The following DNAH9 variants were observed in gnomAD, a reference collection of about 807,000 sequenced individuals.
DNAH9 encodes the protein DNAH9 variant protein.
DNAH9 carries 345 observed loss-of-function variants against 471.6 expected under a neutral mutation model. That is an observed-to-expected ratio of 0.73 (90% CI 0.67 to 0.80). DNAH9 has a LOEUF of 0.80. DNAH9 is among the 30% of genes least tolerant of loss of function. The pLI is 0.00. For missense variants in DNAH9, 5,407 were observed against 5,609.2 expected (o/e 0.96, Z 1.15); for synonymous variants, 2,093 against 2,123.6 (o/e 0.99, Z 0.40).
chr17:11,768,319 C>A, intron 36 of DNAH9, 134 bp from the exon 37 acceptor site: 1 of 891,222 alleles, frequency 1.1e-6, no homozygotes, highest in Non-Finnish European at 1.8e-6. Flanking sequence ...CCTGGAGGAG[C>A]TGGTCTAGCC....
At chr17:11,941,528 C>G (rs1173870461) in intron 66 of DNAH9, among the ~76,000 whole-genome samples, 1 of 152,134 alleles carries the variant, frequency 6.6e-6, no homozygotes, top group Non-Finnish European at 1.5e-5. Context: ...GAGAGAGACC[C>G]TACTTGTCCT....
At chr17:11,649,515 A>G (rs1272800461) in intron 12 of DNAH9, among the ~76,000 whole-genome samples, 1 of 152,150 alleles carries the variant, frequency 6.6e-6, no homozygotes, top group East Asian at 1.9e-4. Context: ...CCTAGTTTTG[A>G]TTGTATGCAT....
At chr17:11,711,055 C>T (rs763916219) in intron 26 of DNAH9, among the ~76,000 whole-genome samples, 1 of 152,158 alleles carries the variant, frequency 6.6e-6, no homozygotes, top group Non-Finnish European at 1.5e-5. Flanking sequence ...ATGCCTATGC[C>T]TTTATAACTT....
At position 11,742,309 on chromosome 17, in the gene DNAH9, A is replaced by G. The variant is rs768318273; in HGVS notation, c.6107A>G (p.Lys2036Arg). 17 of 1,614,096 alleles carry G rather than the reference A, an allele frequency of 1.1e-5. No homozygotes were observed. In the South Asian group the frequency reaches 1.4e-4, roughly 14 times the overall value. Reference protein sequence around the residue: ...LYQLCKELLSKQDHYDWGLRA... With the variant: ...LYQLCKELLSRQDHYDWGLRA... ...CAGTTGTGCAAAGAGCTTCTCTCCA[A>G]ACAGGTAGGATCTCTAGGGAGGCTG... is the stretch of plus-strand genomic sequence containing the variant. The change falls in exon 30 of 69, where the codon AAA becomes AGA. Residue 2036 changes from lysine (K) to arginine (R), a missense_variant. Lys to Arg is a conservative substitution (Grantham distance 26). Transcript: ENST00000262442.
intron 45 of DNAH9, among the ~76,000 whole-genome samples, chr17:11,812,311 G>C (rs1003255795): frequency 1.9e-4 from 29 of 148,954 alleles, no homozygotes; most frequent in Non-Finnish European, 4.3e-4. Context: ...CCATTCCCTG[G>C]CTCTGATTAA....
chr17:11,734,958 C>T (rs2075321945), intron 28 of DNAH9, among the ~76,000 whole-genome samples: 1 of 152,120 alleles, frequency 6.6e-6, no homozygotes, highest in African/African-American at 2.4e-5. Flanking sequence ...CAAATTTCAG[C>T]GTGCATCAGA....
chr17:11,786,082 A>C (rs2150900904), intron 41 of DNAH9, among the ~76,000 whole-genome samples: 1 of 69,950 alleles, frequency 1.4e-5, no homozygotes, highest in Middle Eastern at 5.1e-3. Flanking sequence ...GGATTTTTCA[A>C]ATGAAAAAAA....
intron 24 of DNAH9, among the ~76,000 whole-genome samples, chr17:11,702,919 C>T (rs1396507032): frequency 2.6e-5 from 4 of 151,804 alleles, no homozygotes; most frequent in East Asian, 3.9e-4. Context: ...GGTGAAACCC[C>T]GTCTCTACTA....
At chr17:11,807,942 C>T in intron 44 of DNAH9, 48 bp downstream of exon 44, 1 of 1,555,280 alleles carries the variant, frequency 6.4e-7, no homozygotes, top group South Asian at 1.2e-5. Flanking sequence ...TCCCTCCAAC[C>T]AGCCACAGTT....
At chr17:11,610,369 T>C (rs754661528) in intron 2 of DNAH9, 27 bp from the exon 3 acceptor site, 67 of 1,600,694 alleles carry the variant, frequency 4.2e-5, no homozygotes, top group Non-Finnish European at 5.6e-5. Context: ...TTTGTTGTTA[T>C]CATTGTTGTT....
At chr17:11,630,901 A>T (rs75683838) in intron 7 of DNAH9, among the ~76,000 whole-genome samples, 2,251 of 152,262 alleles carry the variant, frequency 0.015, 55 homozygotes, top group African/African-American at 0.051. Flanking sequence ...TGTATATCTT[A>T]TATGTATACA....
At chr17:11,778,190 G>A (rs964976402) in intron 38 of DNAH9, among the ~76,000 whole-genome samples, 7 of 151,812 alleles carry the variant, frequency 4.6e-5, no homozygotes, top group East Asian at 3.9e-4. Context: ...ATGGGTCAGC[G>A]AGTGACTCAT....
intron 17 of DNAH9, among the ~76,000 whole-genome samples, chr17:11,674,206 T>A (rs1597463304): frequency 6.6e-6 from 1 of 152,326 alleles, no homozygotes; most frequent in African/African-American, 2.4e-5. Flanking sequence ...AACTCTTATA[T>A]GTGATCATGG....
At chr17:11,964,719 T>C (rs1976543786) in intron 68 of DNAH9, among the ~76,000 whole-genome samples, 1 of 152,152 alleles carries the variant, frequency 6.6e-6, no homozygotes, top group Non-Finnish European at 1.5e-5. Context: ...AACTTGTCTA[T>C]TCCCATCTCA....
chr17:11,637,152 A>C (rs140721741), intron 9 of DNAH9, among the ~76,000 whole-genome samples: 1 of 152,192 alleles, frequency 6.6e-6, no homozygotes, highest in African/African-American at 2.4e-5. Flanking sequence ...AAAGTTTCTT[A>C]TGCCTTCCAA....
intron 26 of DNAH9, among the ~76,000 whole-genome samples, chr17:11,708,247 G>T (rs1316715627): frequency 6.6e-6 from 1 of 152,130 alleles, no homozygotes; most frequent in African/African-American, 2.4e-5. Context: ...TCAAATGAAT[G>T]AATGACATTT....
Position 11,623,229 on chromosome 17 carries a change from C to T in DNAH9, c.1350+3448C>T, listed in dbSNP as rs1458842512. Among the ~76,000 whole-genome samples the T allele has an allele frequency of 6.6e-6, 1 of 152,096 alleles. No individual in the cohort carries two copies. The highest frequency in any genetic ancestry group is 1.5e-5 in the Non-Finnish European group (1 of 68,010). On this transcript the variant is annotated intron_variant, in intron 6 of 68. Transcript: ENST00000262442. This position sits in a 1 kb window ranked among gnomAD's most constrained non-coding sequence, Gnocchi z 4.1. ...CCTCAGGAGATCCACCCAGCTTGGC[C>T]TCCCAAAGTGCTGGGATTACAGGTG...
At chr17:11,689,070 G>A (rs150222970) in intron 19 of DNAH9, among the ~76,000 whole-genome samples, 1 of 151,920 alleles carries the variant, frequency 6.6e-6, no homozygotes, top group Non-Finnish European at 1.5e-5. Flanking sequence ...ACTCCAGCCT[G>A]GGCAACAGAG....
intron 60 of DNAH9, among the ~76,000 whole-genome samples, chr17:11,905,076 T>TA (rs1021093257): frequency 4.6e-5 from 7 of 150,666 alleles, no homozygotes; most frequent in Admixed American, 3.3e-4. Context: ...TGCTAAAATA[T>TA]AAAAAAAATT....
Sources: allele counts gnomAD v4.1 joint callset (sites outside exome capture counted in the v4.1 genomes callset), GRCh38; gene constraint gnomAD v4.1.1; non-coding constraint Gnocchi (gnomAD v3.1); transcripts MANE v1.5; gene names NCBI Gene and HGNC (gene_info 2026-07-23, HGNC 2026-07-21).